Variants in SGCZ observed in about 807,000 individuals in gnomAD.
The protein encoded by SGCZ is sarcoglycan zeta.
A neutral mutation model predicts 41.3 loss-of-function variants in SGCZ; 40 were observed. The observed-to-expected ratio is 0.97, with a 90% CI of 0.75 to 1.26. The LOEUF is 1.26. SGCZ is among the 50% of genes most tolerant of loss of function. The probability of loss-of-function intolerance (pLI) is 0.00; values close to 1 mark genes in which losing one functional copy is unlikely to be tolerated. For missense variants in SGCZ, 552 were observed against 369.8 expected (o/e 1.49, Z -4.04); for synonymous variants, 206 against 137.5 (o/e 1.50, Z -3.49).
intron 2 of SGCZ, among the ~76,000 whole-genome samples, chr8:14,466,896 C>G (rs1002935230): frequency 2.0e-5 from 3 of 151,880 alleles, no homozygotes; most frequent in South Asian, 2.1e-4. Flanking sequence ...CTCTGAGCAT[C>G]TTGAAGACCA....
intron 2 of SGCZ, among the ~76,000 whole-genome samples, chr8:14,396,713 A>G (rs11994871): frequency 0.13 from 19,567 of 151,958 alleles, 2,708 homozygotes; most frequent in African/African-American, 0.34. Flanking sequence ...AGCAATTTTC[A>G]TGGTCTACTG....
intron 1 of SGCZ, among the ~76,000 whole-genome samples, chr8:14,755,853 A>G (rs1799648547): frequency 6.6e-6 from 1 of 152,166 alleles, no homozygotes; most frequent in Non-Finnish European, 1.5e-5. Context: ...CATAGATAAC[A>G]AACAAGAAAC....
intron 2 of SGCZ, among the ~76,000 whole-genome samples, chr8:14,337,632 T>C (rs923212302): frequency 6.6e-6 from 1 of 152,010 alleles, no homozygotes; most frequent in Non-Finnish European, 1.5e-5. Context: ...GGAAAGTAGA[T>C]ATAGTGGAAT....
intron 5 of SGCZ, among the ~76,000 whole-genome samples, chr8:14,157,900 G>A (rs568704366): frequency 6.6e-6 from 1 of 152,200 alleles, no homozygotes; most frequent in African/African-American, 2.4e-5. Context: ...ACACATTACT[G>A]GCCAGGCACG....
rs181088543 is a variant in SGCZ at position 14,270,706 on chromosome 8, G to A, written c.337-33027C>T. ...AGAAATGATGTATAGGAATAGTGCC[G>A]CAATAAACACTATTTCTATACATCA... On this transcript the variant is annotated intron_variant, in intron 3 of 7. Coordinates refer to ENST00000382080, the MANE Select transcript of SGCZ (RefSeq NM_139167.4). Among the ~76,000 whole-genome samples, 247 of 152,062 alleles carry A rather than the reference G, an allele frequency of 1.6e-3. 1 individual carries two copies. Among genetic ancestry groups the A allele is most frequent in the Admixed American group, 3.9e-3 (59 of 15,278 alleles).
chr8:14,707,302 G>C (rs969739635), intron 1 of SGCZ, among the ~76,000 whole-genome samples: 8 of 150,088 alleles, frequency 5.3e-5, no homozygotes, highest in Non-Finnish European at 1.0e-4. Context: ...TTTTTAAAAA[G>C]TCAGTGAGCT....
chr8:14,420,039 C>T (rs536254237), intron 2 of SGCZ, among the ~76,000 whole-genome samples: 4 of 152,126 alleles, frequency 2.6e-5, no homozygotes, highest in Admixed American at 1.3e-4. Flanking sequence ...CGATCCTTTC[C>T]AGTATCTCCA....
chr8:14,624,203 C>G (rs974029375), intron 1 of SGCZ, among the ~76,000 whole-genome samples: 1 of 152,096 alleles, frequency 6.6e-6, no homozygotes, highest in Non-Finnish European at 1.5e-5. Context: ...TCATTAATAG[C>G]TTATCATATA....
At position 15,084,265 on chromosome 8, in the gene SGCZ, G is replaced by T. The variant is rs1331765874; in HGVS notation, c.39+153320C>A. On this transcript the variant is annotated intron_variant, in intron 1 of 7. Transcript: ENST00000382080. ...ATCTTCTGATAAGTATTTCTATGATGCATTTAAAGACAATTTTAAAATTCA... is the reference window on the plus strand; with the variant it reads ...ATCTTCTGATAAGTATTTCTATGATTCATTTAAAGACAATTTTAAAATTCA... 2.0e-5 allele frequency among the ~76,000 whole-genome samples: 3 copies of T among 152,048 alleles called. No individual in the cohort carries two copies. The South Asian group carries it at 6.2e-4, about 32-fold the overall frequency.
chr8:14,379,576 C>G (rs984724005), intron 2 of SGCZ, among the ~76,000 whole-genome samples: 3 of 151,948 alleles, frequency 2.0e-5, no homozygotes, highest in African/African-American at 7.2e-5. Flanking sequence ...TCATGAAATC[C>G]ACAGAAAATA....
At chr8:15,021,251 T>C (rs1803239720) in intron 1 of SGCZ, among the ~76,000 whole-genome samples, 1 of 152,198 alleles carries the variant, frequency 6.6e-6, no homozygotes, top group Admixed American at 6.5e-5. Flanking sequence ...GCAATTTATG[T>C]TTTGCTGCAA....
At chr8:14,908,602 T>C (rs139634481) in intron 1 of SGCZ, among the ~76,000 whole-genome samples, 2,529 of 151,834 alleles carry the variant, frequency 0.017, 104 homozygotes, top group Admixed American at 0.097. Context: ...ACACAAAAAT[T>C]AGCCGGGCGT....
At position 15,137,679 on chromosome 8, in the gene SGCZ, A is replaced by G. The variant is rs1808164837; in HGVS notation, c.39+99906T>C. 3.3e-5 allele frequency among the ~76,000 whole-genome samples: 5 copies of G among 152,300 alleles called. 1 individual carries two copies. The South Asian group carries it at 1.0e-3, about 32-fold the overall frequency. Reference sequence around the variant, plus strand: ...CCTTGGCACCTTTCATGTGGTGTTGAGCCTGCAGCTACACAGAAGTCAAGA... The same window carrying G: ...CCTTGGCACCTTTCATGTGGTGTTGGGCCTGCAGCTACACAGAAGTCAAGA... On this transcript the variant is annotated intron_variant, in intron 1 of 7. Coordinates refer to ENST00000382080, the MANE Select transcript of SGCZ (RefSeq NM_139167.4).
chr8:15,131,483 G>T (rs1807898042), intron 1 of SGCZ, among the ~76,000 whole-genome samples: 1 of 152,192 alleles, frequency 6.6e-6, no homozygotes, highest in African/African-American at 2.4e-5. Context: ...GTCTTTATCA[G>T]CAGTGTGAAA....
At position 14,604,160 on chromosome 8, in the gene SGCZ, T is replaced by C. The variant is rs1805675183; in HGVS notation, c.40-49234A>G. Among the ~76,000 whole-genome samples the C allele has an allele frequency of 2.0e-5, 3 of 152,182 alleles. No homozygotes were observed. In the South Asian group the frequency reaches 6.2e-4, roughly 32 times the overall value. On this transcript the variant is annotated intron_variant, in intron 1 of 7. Coordinates refer to ENST00000382080, the MANE Select transcript of SGCZ (RefSeq NM_139167.4). Reference sequence around the variant, plus strand: ...AAAACACTTATCAAAAATGCTACTGTAATGTACGGATGCCACTTCCTGTAT... The same window carrying C: ...AAAACACTTATCAAAAATGCTACTGCAATGTACGGATGCCACTTCCTGTAT...
intron 1 of SGCZ, among the ~76,000 whole-genome samples, chr8:14,717,218 T>A (rs1026792448): frequency 9.2e-5 from 14 of 152,072 alleles, no homozygotes; most frequent in Admixed American, 9.2e-4. Flanking sequence ...TTCAATACCA[T>A]CAATAATTAT....
At chr8:15,184,140 T>C (rs908490397) in intron 1 of SGCZ, among the ~76,000 whole-genome samples, 5 of 152,226 alleles carry the variant, frequency 3.3e-5, no homozygotes, top group Non-Finnish European at 7.3e-5. Flanking sequence ...TTTAAAACAT[T>C]TAATTCTCCT....
intron 1 of SGCZ, among the ~76,000 whole-genome samples, chr8:15,204,553 G>A (rs1179457131): frequency 6.6e-6 from 1 of 152,056 alleles, no homozygotes; most frequent in African/African-American, 2.4e-5. Flanking sequence ...GGGTATCAGA[G>A]GCTAGCTTTC....
At chr8:14,564,979 T>G (rs949870202) in intron 1 of SGCZ, among the ~76,000 whole-genome samples, 1 of 152,084 alleles carries the variant, frequency 6.6e-6, no homozygotes, top group African/African-American at 2.4e-5. Flanking sequence ...ACTTGGTTTA[T>G]GGAAAATGCT....
Sources: allele counts gnomAD v4.1 joint callset (sites outside exome capture counted in the v4.1 genomes callset), GRCh38; gene constraint gnomAD v4.1.1; transcripts MANE v1.5; gene names NCBI Gene and HGNC (gene_info 2026-07-23, HGNC 2026-07-21).